The following WDPCP variants were observed in gnomAD, a reference collection of about 807,000 sequenced individuals.
The protein encoded by WDPCP is WD repeat containing planar cell polarity effector.
A neutral mutation model predicts 93.1 loss-of-function variants in WDPCP; 71 were observed. That is an observed-to-expected ratio of 0.76 (90% CI 0.63 to 0.93). The LOEUF (loss-of-function observed/expected upper bound fraction) is 0.93, where lower values mean the gene tolerates loss of function less well. Among genes scored for constraint, WDPCP ranks in the 40% least tolerant of loss-of-function variants. The probability of loss-of-function intolerance (pLI) is 0.00; values close to 1 mark genes in which losing one functional copy is unlikely to be tolerated. For synonymous variants in WDPCP, 315 were observed against 315.0 expected, an observed-to-expected ratio of 1.00 and a Z score of 0.00; for missense variants, 844 against 887.4, an observed-to-expected ratio of 0.95 and a Z score of 0.62.
chr2:63,510,177 C>T (rs1702140017), intron 1 of WDPCP, among the ~76,000 whole-genome samples: 1 of 152,126 alleles, frequency 6.6e-6, no homozygotes, highest in Admixed American at 6.6e-5. Context: ...ATGCAAAAAT[C>T]CTTATACAAA....
chr2:63,157,494 G>A (rs1313917384), intron 15 of WDPCP, among the ~76,000 whole-genome samples: 2 of 152,064 alleles, frequency 1.3e-5, no homozygotes, highest in Non-Finnish European at 2.9e-5. Context: ...ATTCACCAGT[G>A]AAACCATCGG....
At chr2:63,787,560 T>C (rs1308675134) in intron 2 of WDPCP, among the ~76,000 whole-genome samples, 2 of 152,336 alleles carry the variant, frequency 1.3e-5, no homozygotes, top group South Asian at 4.1e-4. Context: ...CTGATTTTCG[T>C]TGGCTGTTCC....
At chr2:63,501,248 A>C (rs570191930) in intron 1 of WDPCP, among the ~76,000 whole-genome samples, 49 of 152,344 alleles carry the variant, frequency 3.2e-4, no homozygotes, top group African/African-American at 1.2e-3. Context: ...AACAAGCTTT[A>C]GAACCTAAAA....
At chr2:63,375,888 A>G (rs1691816771) in intron 12 of WDPCP, among the ~76,000 whole-genome samples, 1 of 151,806 alleles carries the variant, frequency 6.6e-6, no homozygotes, top group South Asian at 2.1e-4. Context: ...CACACCCCTA[A>G]TCTCTGTGGG....
At chr2:63,153,137 G>A in intron 16 of WDPCP, 192 bp from the exon 17 acceptor site, 1 of 605,098 alleles carries the variant, frequency 1.7e-6, no homozygotes. Context: ...TATGTGTATG[G>A]CTACCTTGCA....
intron 12 of WDPCP, among the ~76,000 whole-genome samples, chr2:63,353,328 T>C (rs1394670315): frequency 2.6e-5 from 4 of 152,224 alleles, no homozygotes; most frequent in Non-Finnish European, 4.4e-5. Flanking sequence ...AGGTTAGACA[T>C]TGGAACATAC....
chr2:63,706,185 G>A (rs572408980), intron 2 of WDPCP, among the ~76,000 whole-genome samples: 10 of 146,536 alleles, frequency 6.8e-5, no homozygotes, highest in African/African-American at 1.9e-4. Context: ...TTGAGCCTAC[G>A]TGTGTCTCTG....
At chr2:63,452,731 G>C (rs568851475) in intron 6 of WDPCP, among the ~76,000 whole-genome samples, 108 of 152,282 alleles carry the variant, frequency 7.1e-4, no homozygotes, top group Non-Finnish European at 9.4e-4. Context: ...TATGGTACTG[G>C]TACCAAAACA....
intron 1 of WDPCP, among the ~76,000 whole-genome samples, chr2:63,508,562 CA>C (rs1298493644): frequency 1.3e-5 from 2 of 152,122 alleles, no homozygotes; most frequent in Non-Finnish European, 2.9e-5. Context: ...ATCATAATGA[CA>C]GGATCAAATT....
At chr2:63,699,415 T>C (rs1221428688) in intron 2 of WDPCP, among the ~76,000 whole-genome samples, 1 of 152,176 alleles carries the variant, frequency 6.6e-6, no homozygotes, top group East Asian at 1.9e-4. Flanking sequence ...TGCAAGTATT[T>C]AACTAAAAAG....
intron 1 of WDPCP, among the ~76,000 whole-genome samples, chr2:63,527,388 G>A (rs1408716452): frequency 1.9e-5 from 2 of 105,204 alleles, no homozygotes; most frequent in Non-Finnish European, 3.6e-5. Flanking sequence ...ACCAACGACA[G>A]GCCCTGGTGT....
chr2:63,602,934 C>CTTTTTTTTTTTTTTTTTTTTTTTTTTT (rs370479356), intron 3 of WDPCP, among the ~76,000 whole-genome samples: 3 of 131,538 alleles, frequency 2.3e-5, no homozygotes, highest in Admixed American at 7.7e-5. Flanking sequence ...TTTAACCGTT[C>CTTTTTTTTTTTTTTTTTTTTTTTTTTT]TTTTTTTTTT....
chr2:63,429,468 C>G (rs1696563099), intron 9 of WDPCP, among the ~76,000 whole-genome samples: 1 of 152,036 alleles, frequency 6.6e-6, no homozygotes, highest in Non-Finnish European at 1.5e-5. Context: ...TACATAGGAT[C>G]TATAAGGAAC....
intron 10 of WDPCP, among the ~76,000 whole-genome samples, chr2:63,389,092 A>G (rs1253419314): frequency 6.6e-6 from 1 of 152,182 alleles, no homozygotes. Flanking sequence ...CAAGACACAT[A>G]ATCGTCAGAT....
intron 13 of WDPCP, among the ~76,000 whole-genome samples, chr2:63,282,469 C>T (rs1273334175): frequency 6.6e-6 from 1 of 152,178 alleles, no homozygotes; most frequent in Non-Finnish European, 1.5e-5. Context: ...CGCGCCACTG[C>T]ACTCCAGCCT....
intron 1 of WDPCP, among the ~76,000 whole-genome samples, chr2:63,535,577 CTCTG>C (rs1704212605): frequency 6.6e-6 from 1 of 152,206 alleles, no homozygotes; most frequent in Non-Finnish European, 1.5e-5. Flanking sequence ...ACCATCTGAT[CTCTG>C]ACAAACCTGA....
chr2:63,134,935 C>T (rs867623887), intron 17 of WDPCP, among the ~76,000 whole-genome samples: 3 of 152,094 alleles, frequency 2.0e-5, no homozygotes, highest in Admixed American at 6.5e-5. Context: ...CTAGCCTGGG[C>T]AACAAGGTGA....
At chr2:63,436,955 G>T (rs1349651185) in intron 8 of WDPCP, among the ~76,000 whole-genome samples, 1 of 152,006 alleles carries the variant, frequency 6.6e-6, no homozygotes, top group Non-Finnish European at 1.5e-5. Flanking sequence ...TAGCTGGAGG[G>T]GGAGGGTTCT....
chr2:63,351,317 G>A (rs1424484861), intron 12 of WDPCP, among the ~76,000 whole-genome samples: 1 of 152,042 alleles, frequency 6.6e-6, no homozygotes, highest in Non-Finnish European at 1.5e-5. Context: ...TACATGTGCA[G>A]GTTTGCTACA....
Sources: gnomAD v4.1 joint callset for allele counts (sites outside exome capture counted in the v4.1 genomes callset) on GRCh38, gnomAD v4.1.1 for gene constraint, MANE v1.5 for transcripts, NCBI Gene and HGNC (gene_info 2026-07-23, HGNC 2026-07-21) for gene names.